FER1L6: variants seen among roughly 807,000 people sequenced by gnomAD.
The protein encoded by FER1L6 is fer-1 like family member 6, also known as fer-1-like protein 6.
In FER1L6, 177 loss-of-function variants were observed where a neutral mutation model predicts 219.2. The observed-to-expected ratio is 0.81, with a 90% CI of 0.71 to 0.91. FER1L6 has a LOEUF of 0.91. FER1L6 is among the 40% of genes least tolerant of loss of function. The pLI, the probability that FER1L6 is intolerant of heterozygous loss-of-function variation, is 0.00. For synonymous variants in FER1L6, 768 were observed against 824.3 expected (o/e 0.93, Z 1.17); for missense variants, 2,153 against 2,259.9 (o/e 0.95, Z 0.96).
rs759954958 is a variant in FER1L6, at chr8:124,049,620, A to AT, written c.2741dup (p.Leu914PhefsTer14). On this transcript the variant is annotated frameshift_variant, in exon 22 of 41. Coordinates refer to ENST00000522917, the MANE Select transcript of FER1L6 (RefSeq NM_001039112.2). LOFTEE classifies it high-confidence loss of function. ...TTTCTTCTTTAGGGGAAGCCAGAATATTTGGGTGCCACAGTGGCTGCTCCT... is the reference window on the plus strand; with the variant it reads ...TTTCTTCTTTAGGGGAAGCCAGAATATTTTGGGTGCCACAGTGGCTGCTCCT... The AT allele has an allele frequency of 6.2e-7, 1 of 1,613,910 alleles. No individual in the cohort carries two copies. Among genetic ancestry groups the AT allele is most frequent in the South Asian group, 1.1e-5 (1 of 91,056 alleles).
chr8:124,039,623 A>G (rs1819382353), intron 19 of FER1L6, among the ~76,000 whole-genome samples: 1 of 152,218 alleles, frequency 6.6e-6, no homozygotes, highest in African/African-American at 2.4e-5. Flanking sequence ...GCTATTTCGC[A>G]TGGTTTTAGT....
intron 22 of FER1L6, among the ~76,000 whole-genome samples, chr8:124,051,550 T>C (rs2130786520): frequency 6.6e-6 from 1 of 152,282 alleles, no homozygotes; most frequent in East Asian, 1.9e-4. Flanking sequence ...ACTCCACAAA[T>C]AGCTATTTAA....
At chr8:123,889,147 A>C (rs1817257202) in intron 1 of FER1L6, among the ~76,000 whole-genome samples, 1 of 152,210 alleles carries the variant, frequency 6.6e-6, no homozygotes, top group Non-Finnish European at 1.5e-5. Context: ...TTTTTTGATA[A>C]ATAAGACTAA....
intron 30 of FER1L6, among the ~76,000 whole-genome samples, 158 bp downstream of exon 30, chr8:124,070,756 A>G (rs1821035576): frequency 6.6e-6 from 1 of 152,162 alleles, no homozygotes; most frequent in African/African-American, 2.4e-5. Context: ...ACCTAGCCCC[A>G]GTCTTTTAAG....
chr8:124,082,297 G>C lies in FER1L6; in HGVS notation c.4230G>C (p.Glu1410Asp), dbSNP rs1336821758. The C allele has an allele frequency of 6.2e-7, 1 of 1,612,766 alleles. No individual in the cohort carries two copies. Among genetic ancestry groups the C allele is most frequent in the Non-Finnish European group, 8.5e-7 (1 of 1,179,390 alleles). The part of the protein sequence containing the change: ...QLNPVFGRSF[E>D]IQATFPKESL... ...TCTGCTTGGACCGCAGGTCATTTGA[G>C]ATCCAAGCCACATTCCCAAAAGAGT... The change falls in exon 33 of 41, where the codon GAG (glutamate) becomes GAC (aspartate). Residue 1410 changes from glutamate (E) to aspartate (D), a missense_variant. Coordinates refer to ENST00000522917, the MANE Select transcript of FER1L6 (RefSeq NM_001039112.2).
At chr8:124,049,184 A>G (rs1423657873) in intron 21 of FER1L6, among the ~76,000 whole-genome samples, 4 of 152,046 alleles carry the variant, frequency 2.6e-5, no homozygotes, top group African/African-American at 4.8e-5. Context: ...AGTAGCTGGG[A>G]CTACAGGTGT....
intron 5 of FER1L6, among the ~76,000 whole-genome samples, chr8:123,967,265 A>C (rs1815589765): frequency 6.6e-6 from 1 of 152,202 alleles, no homozygotes; most frequent in Admixed American, 6.5e-5. Context: ...AACATGTACC[A>C]GAATACAAGG....
chr8:124,034,808 A>G (rs906208037), intron 18 of FER1L6, among the ~76,000 whole-genome samples: 2 of 152,214 alleles, frequency 1.3e-5, no homozygotes, highest in African/African-American at 4.8e-5. Context: ...AAGTTCCAGG[A>G]AGAAGATTTC....
At chr8:124,052,776 C>G (rs1820108639) in intron 22 of FER1L6, among the ~76,000 whole-genome samples, 1 of 152,078 alleles carries the variant, frequency 6.6e-6, no homozygotes, top group Non-Finnish European at 1.5e-5. Context: ...CAGAGCAAGA[C>G]TCTGTCTCAA....
At chr8:123,968,358 C>G (rs1018795021) in intron 5 of FER1L6, among the ~76,000 whole-genome samples, 1 of 152,134 alleles carries the variant, frequency 6.6e-6, no homozygotes, top group African/African-American at 2.4e-5. Context: ...TTTGTTACAA[C>G]TCTTGACCTA....
intron 35 of FER1L6, 85 bp downstream of exon 35, chr8:124,095,123 T>TC: frequency 6.5e-7 from 1 of 1,536,258 alleles, no homozygotes; most frequent in Non-Finnish European, 8.9e-7. Flanking sequence ...ATTTTGACCT[T>TC]CCCTCAGGTA....
At chr8:124,026,721 T>A (rs535803075) in intron 18 of FER1L6, among the ~76,000 whole-genome samples, 89 of 147,994 alleles carry the variant, frequency 6.0e-4, no homozygotes, top group African/African-American at 2.2e-3. Flanking sequence ...TTTTTTTTTT[T>A]AAATGTTGCA....
rs557362875 is a variant in FER1L6, at chr8:123,894,730, C to T, written c.-8+42545C>T. On this transcript the variant is annotated intron_variant, in intron 1 of 40. Coordinates refer to ENST00000522917, the MANE Select transcript of FER1L6 (RefSeq NM_001039112.2). ...TCCTAGGGCTGAGGTAGGGAAAGTA[C>T]AAGATGACCCCTAAAAGAAGGAGGT... 3.3e-5 allele frequency among the ~76,000 whole-genome samples: 5 copies of T among 152,092 alleles called. No homozygotes were observed. In the South Asian group the frequency reaches 1.0e-3, roughly 32 times the overall value.
Position 123,963,318 on chromosome 8 carries a change from T to C in FER1L6, c.117T>C (p.Ser39=). ...GDTEALQEEP[S]HQEGPRGDLV... is the part of the protein sequence containing the mutation. Reference sequence around the variant, plus strand: ...CTGAAGCACTGCAGGAGGAGCCTTCTCACCAGGAAGGACCGAGAGGAGATT... The same window carrying C: ...CTGAAGCACTGCAGGAGGAGCCTTCCCACCAGGAAGGACCGAGAGGAGATT... The change falls in exon 3 of 41, where the codon TCT becomes TCC. Residue 39 remains serine, a synonymous_variant. Transcript: ENST00000522917. 1 of 1,614,144 alleles carries C rather than the reference T, an allele frequency of 6.2e-7. No homozygotes were observed. Among genetic ancestry groups the C allele is most frequent in the Non-Finnish European group, 8.5e-7 (1 of 1,179,940 alleles).
At chr8:123,986,790 C>T (rs933208139) in intron 12 of FER1L6, among the ~76,000 whole-genome samples, 2 of 152,128 alleles carry the variant, frequency 1.3e-5, no homozygotes, top group East Asian at 1.9e-4. Context: ...GTGCCTGGCT[C>T]GTTTCACTTA....
chr8:123,927,899 C>T (rs530071062), intron 1 of FER1L6, among the ~76,000 whole-genome samples: 6 of 152,106 alleles, frequency 3.9e-5, no homozygotes, highest in African/African-American at 1.2e-4. Flanking sequence ...TATTGTCTGG[C>T]GATTTCTTTT....
At chr8:123,888,994 C>T (rs906658452) in intron 1 of FER1L6, among the ~76,000 whole-genome samples, 1 of 152,176 alleles carries the variant, frequency 6.6e-6, no homozygotes, top group Non-Finnish European at 1.5e-5. Context: ...ACAACATAAA[C>T]ATAGAAATGT....
chr8:123,974,228 G>T (rs1001733187), intron 7 of FER1L6, among the ~76,000 whole-genome samples: 1 of 152,190 alleles, frequency 6.6e-6, no homozygotes, highest in Non-Finnish European at 1.5e-5. Flanking sequence ...GCAGCAGCCT[G>T]AGTGTGAGGC....
chr8:124,015,603 A>G (rs192271076), intron 15 of FER1L6, among the ~76,000 whole-genome samples: 2,371 of 99,372 alleles, frequency 0.024, 203 homozygotes, highest in African/African-American at 0.14. Context: ...ATATATATAT[A>G]TATATATATA....
Sources: gnomAD v4.1 joint callset for allele counts (sites outside exome capture counted in the v4.1 genomes callset) on GRCh38, gnomAD v4.1.1 for gene constraint, MANE v1.5 for transcripts, NCBI Gene and HGNC (gene_info 2026-07-23, HGNC 2026-07-21) for gene names.